The following MACROD1 variants were observed in gnomAD, a reference collection of about 807,000 sequenced individuals.
MACROD1 encodes the protein ADP-ribose glycohydrolase MACROD1.
In MACROD1, 31 loss-of-function variants were observed where a neutral mutation model predicts 41.4. The ratio of observed to expected loss-of-function variants is 0.75; its 90% confidence interval spans 0.56 to 1.01. The LOEUF is 1.01. MACROD1 is among the 50% of genes least tolerant of loss of function. The probability of loss-of-function intolerance (pLI) is 0.00; values close to 1 mark genes in which losing one functional copy is unlikely to be tolerated. For synonymous variants in MACROD1, 252 were observed against 203.4 expected, an observed-to-expected ratio of 1.24 and a Z score of -2.03; for missense variants, 473 against 460.0, an observed-to-expected ratio of 1.03 and a Z score of -0.26.
intron 3 of MACROD1, chr11:64,117,029 G>T (rs146150625): frequency 6.2e-7 from 1 of 1,611,096 alleles, no homozygotes; most frequent in African/African-American, 1.3e-5. Flanking sequence ...CAGAGCTCTC[G>T]CTGGTGCGCA....
At position 64,005,622 on chromosome 11, in the gene MACROD1, G is replaced by T. The variant is rs569076219; in HGVS notation, c.548-5279C>A. Among the ~76,000 whole-genome samples, 13 of 152,362 alleles carry T rather than the reference G, an allele frequency of 8.5e-5. No individual in the cohort carries two copies. In the East Asian group the frequency reaches 2.5e-3, roughly 29 times the overall value. On this transcript the variant is annotated intron_variant, in intron 4 of 10. Transcript: ENST00000255681. The stretch of plus-strand genomic sequence containing the variant: ...AGGTGCCGAGTCTCATACCTCTCTG[G>T]CTCAACCTCACGCCTCTGAAATGAG...
At chr11:64,157,761 G>A (rs1945691621) in intron 1 of MACROD1, among the ~76,000 whole-genome samples, 1 of 152,190 alleles carries the variant, frequency 6.6e-6, no homozygotes, top group Non-Finnish European at 1.5e-5. Flanking sequence ...AGAGAGGTGA[G>A]GGCAGGCTGG....
chr11:64,028,002 C>T (rs1943243232), intron 3 of MACROD1, among the ~76,000 whole-genome samples: 2 of 152,248 alleles, frequency 1.3e-5, no homozygotes, highest in Admixed American at 1.3e-4. Context: ...AAGTCAGACA[C>T]CAGGAAGCAC....
intron 3 of MACROD1, among the ~76,000 whole-genome samples, chr11:64,052,047 C>T (rs987566995): frequency 4.0e-5 from 6 of 151,442 alleles, no homozygotes; most frequent in African/African-American, 1.2e-4. Flanking sequence ...TCTAGGGGGG[C>T]ATTTTGGGAA....
chr11:64,143,156 G>A (rs1945437816), intron 3 of MACROD1, among the ~76,000 whole-genome samples: 1 of 151,206 alleles, frequency 6.6e-6, no homozygotes, highest in Non-Finnish European at 1.5e-5. Context: ...GGGAGGAAAG[G>A]AAGAGAGGAA....
At chr11:64,015,356 G>C in intron 3 of MACROD1, 75 bp from the exon 4 acceptor site, 3 of 1,427,200 alleles carry the variant, frequency 2.1e-6, no homozygotes, top group Non-Finnish European at 2.9e-6. Flanking sequence ...AGGGGAGGGT[G>C]ATGTCAAGAT....
chr11:64,117,054 C>T, intron 3 of MACROD1: 1 of 1,604,966 alleles, frequency 6.2e-7, no homozygotes, highest in Non-Finnish European at 8.5e-7. Context: ...GCTGGCCGCG[C>T]CACCCCTCAA....
At chr11:64,008,582 A>G (rs1056070219) in intron 4 of MACROD1, among the ~76,000 whole-genome samples, 21 of 152,114 alleles carry the variant, frequency 1.4e-4, no homozygotes, top group African/African-American at 5.1e-4. Context: ...CAGCATGTGC[A>G]AAGGCCCGGT....
intron 3 of MACROD1, among the ~76,000 whole-genome samples, chr11:64,043,085 C>T (rs1019074315): frequency 6.6e-5 from 10 of 152,176 alleles, no homozygotes; most frequent in Admixed American, 1.3e-4. Flanking sequence ...GTACCCTGGA[C>T]GCCTCACGTC....
intron 3 of MACROD1, among the ~76,000 whole-genome samples, chr11:64,132,164 A>G (rs996383094): frequency 4.0e-5 from 6 of 151,652 alleles, no homozygotes; most frequent in African/African-American, 1.5e-4. Flanking sequence ...ACAGTCTGGG[A>G]TGTGGTTAGG....
chr11:64,107,299 C>T (rs1274066489), intron 3 of MACROD1, among the ~76,000 whole-genome samples: 2 of 152,120 alleles, frequency 1.3e-5, no homozygotes, highest in South Asian at 2.1e-4. Flanking sequence ...TAAATAATGC[C>T]GAGAGAGAAA....
chr11:64,135,481 C>T (rs1201060994), intron 3 of MACROD1, among the ~76,000 whole-genome samples: 4 of 152,246 alleles, frequency 2.6e-5, no homozygotes, highest in Admixed American at 1.3e-4. Context: ...CGCTTGCCCT[C>T]GGCCACCTGA....
At chr11:64,015,730 G>A (rs1219422809) in intron 3 of MACROD1, among the ~76,000 whole-genome samples, 1 of 152,186 alleles carries the variant, frequency 6.6e-6, no homozygotes, top group Non-Finnish European at 1.5e-5. Flanking sequence ...AAGCCACTAG[G>A]AAGCAAACTG....
rs936123973 is a variant in MACROD1 at position 64,116,166 on chromosome 11, G to A, written c.517+35073C>T. ...GGGAGGGAATGCACGATTCACTCCT[G>A]GGGTCGCTGTCGCCGCCTCCCTCTC... On this transcript the variant is annotated intron_variant, in intron 3 of 10. Transcript: ENST00000255681. The A allele has an allele frequency of 2.7e-6, 4 of 1,492,344 alleles. No homozygotes were observed. In the African/African-American group the frequency reaches 4.2e-5, roughly 16 times the overall value. The allele number at this position is 1,492,344 out of a possible 1,614,324, so 92.4% of individuals were successfully genotyped here. A position where few individuals can be genotyped will look rare whatever the true frequency, so the allele number is the denominator to read the frequency against.
In MACROD1 at chr11:64,151,970, A is replaced by C. The variant is rs111445886; in HGVS notation, c.400+322T>G. 5.8e-3 allele frequency among the ~76,000 whole-genome samples: 890 copies of C among 152,194 alleles called. 8 individuals are homozygous for C. The highest frequency in any genetic ancestry group is 0.02 in the African/African-American group (819 of 41,498). ...ATGGTGAAACCCCATCTCTACTAAAAATACAAAAATTATCCAGGCATGGTG... is the reference window on the plus strand; with the variant it reads ...ATGGTGAAACCCCATCTCTACTAAACATACAAAAATTATCCAGGCATGGTG... On this transcript the variant is annotated intron_variant, in intron 2 of 10. Coordinates refer to ENST00000255681, the MANE Select transcript of MACROD1 (RefSeq NM_014067.4).
At chr11:64,004,129 G>T (rs1942871010) in intron 4 of MACROD1, among the ~76,000 whole-genome samples, 1 of 152,224 alleles carries the variant, frequency 6.6e-6, no homozygotes, top group Non-Finnish European at 1.5e-5. Context: ...TCCCTGCTTT[G>T]CTGTGGTAAA....
At position 64,154,160 on chromosome 11, in the gene MACROD1, A is replaced by G. The variant is rs973471133; in HGVS notation, c.299-1767T>C. ...ATTCAAAACGCTCTTTAAGCAAGCA[A>G]CCTCCGGGGCTGTCCCTCCACTCTC... On this transcript the variant is annotated intron_variant, in intron 1 of 10. Transcript: ENST00000255681. 4.8e-5 allele frequency among the ~76,000 whole-genome samples: 7 copies of G among 146,306 alleles called. No individual in the cohort carries two copies. The East Asian group carries it at 1.4e-3, about 29-fold the overall frequency.
chr11:64,062,601 C>T (rs1190855343), intron 3 of MACROD1, among the ~76,000 whole-genome samples: 2 of 151,388 alleles, frequency 1.3e-5, no homozygotes, highest in Admixed American at 1.3e-4. Flanking sequence ...CAGGCACTGT[C>T]CTGGGCGCTG....
intron 3 of MACROD1, among the ~76,000 whole-genome samples, chr11:64,055,625 C>T (rs1943771237): frequency 6.6e-6 from 1 of 152,232 alleles, no homozygotes. Flanking sequence ...GGGACATCAT[C>T]TTTTGCTTCT....
Sources: gnomAD v4.1 joint callset for allele counts (sites outside exome capture counted in the v4.1 genomes callset) on GRCh38, gnomAD v4.1.1 for gene constraint, MANE v1.5 for transcripts, NCBI Gene and HGNC (gene_info 2026-07-23, HGNC 2026-07-21) for gene names.